Variants in ACCSL observed in about 807,000 individuals in gnomAD.
ACCSL encodes the protein probable inactive 1-aminocyclopropane-1-carboxylate synthase-like protein 2.
Under a neutral mutation model 61.7 loss-of-function variants are expected in ACCSL, and 55 were observed. The ratio of observed to expected loss-of-function variants is 0.89; its 90% CI spans 0.72 to 1.12. The LOEUF is 1.12. Among genes scored for constraint, ACCSL ranks in the 50% most tolerant of loss-of-function variants. The pLI is 0.00. For synonymous variants in ACCSL, 258 were observed against 264.3 expected, an observed-to-expected ratio of 0.98 and a Z score of 0.23; for missense variants, 632 against 698.0, an observed-to-expected ratio of 0.91 and a Z score of 1.07.
intron 8 of ACCSL, 90 bp from the exon 9 acceptor site, chr11:44,055,112 A>T: frequency 2.2e-6 from 2 of 905,612 alleles, no homozygotes; most frequent in Non-Finnish European, 3.4e-6. Context: ...GACATGACTT[A>T]AGATTACAAA....
At chr11:44,014,104 G>A in the ACCSL span, among the ~76,000 whole-genome samples, 2 of 152,350 alleles carry the variant, frequency 1.3e-5, no homozygotes, top group Admixed American at 6.5e-5. Context: ...CAGTGGGGTT[G>A]GGGGCAGGTG....
the ACCSL span, among the ~76,000 whole-genome samples, chr11:43,977,940 C>G: frequency 2.0e-5 from 3 of 151,784 alleles, no homozygotes; most frequent in Non-Finnish European, 4.4e-5. Context: ...AATGGACAAC[C>G]AACAAGTGAC....
chr11:43,961,313 A>G, the ACCSL span, among the ~76,000 whole-genome samples: 3 of 152,242 alleles, frequency 2.0e-5, no homozygotes, highest in Admixed American at 6.5e-5. Context: ...TTAAATATTA[A>G]TGGCCTCTGT....
chr11:43,936,018 G>C, the ACCSL span, among the ~76,000 whole-genome samples: 8 of 152,186 alleles, frequency 5.3e-5, no homozygotes, highest in Admixed American at 6.5e-5. Flanking sequence ...CCCCGATGCT[G>C]GGCAGGTCCC....
chr11:44,051,746 C>A, intron 5 of ACCSL, 27 bp downstream of exon 5: 1 of 1,610,776 alleles, frequency 6.2e-7, no homozygotes, highest in South Asian at 1.1e-5. Context: ...TCCTTTCACT[C>A]TCAGTGAAAT....
the ACCSL span, among the ~76,000 whole-genome samples, chr11:44,017,124 C>A: frequency 5.3e-5 from 8 of 152,254 alleles, no homozygotes; most frequent in African/African-American, 1.9e-4. Flanking sequence ...GAAGCAGCCA[C>A]CCAATACCCA....
At chr11:43,921,718 C>T in the ACCSL span, among the ~76,000 whole-genome samples, 184 of 152,320 alleles carry the variant, frequency 1.2e-3, no homozygotes, top group African/African-American at 4.2e-3. Flanking sequence ...GATCTCTTCA[C>T]TTGTCACACC....
intron 6 of ACCSL, 54 bp from the exon 7 acceptor site, chr11:44,052,937 G>A: frequency 6.4e-7 from 1 of 1,563,590 alleles, no homozygotes; most frequent in Non-Finnish European, 8.8e-7. Flanking sequence ...ATGGGAATGA[G>A]GAATCAAGAC....
chr11:44,015,354 C>T, the ACCSL span, among the ~76,000 whole-genome samples: 1 of 152,230 alleles, frequency 6.6e-6, no homozygotes, highest in East Asian at 1.9e-4. Flanking sequence ...GACTTACACT[C>T]AGATTGGCCT....
chr11:44,056,417 A>G lies in ACCSL; in HGVS notation c.1327+91A>G. 7.6e-6 allele frequency: 11 copies of G among 1,438,250 alleles called. 1 individual carries two copies. The highest frequency in any genetic ancestry group is 2.4e-4 in the Middle Eastern group (1 of 4,124). The allele number at this position is 1,438,250 out of a possible 1,614,324, so 89.1% of individuals were successfully genotyped here. On this transcript the variant is annotated intron_variant, in intron 11 of 13. Transcript: ENST00000378832. Reference sequence around the variant, plus strand: ...TGCTTGGGCCTCTGATGTGCCCTTAATATACTGAGACCCTATTTCCTGTCT... The same window carrying G: ...TGCTTGGGCCTCTGATGTGCCCTTAGTATACTGAGACCCTATTTCCTGTCT...
At chr11:44,039,498 C>T in the ACCSL span, among the ~76,000 whole-genome samples, 97 of 150,346 alleles carry the variant, frequency 6.5e-4, no homozygotes, top group Non-Finnish European at 8.3e-4. Context: ...TTTGGGGACT[C>T]GGGGGGAAAG....
chr11:44,014,978 C>T, the ACCSL span, among the ~76,000 whole-genome samples: 58 of 152,330 alleles, frequency 3.8e-4, no homozygotes, highest in African/African-American at 1.2e-3. Flanking sequence ...CCCCTCCTCC[C>T]GGGGATGTGA....
chr11:44,052,520 AC>A, intron 5 of ACCSL, 141 bp from the exon 6 acceptor site: 1 of 713,926 alleles, frequency 1.4e-6, no homozygotes, highest in South Asian at 1.7e-5. Flanking sequence ...TAGCACCTGA[AC>A]CTAAGAACAT....
At chr11:44,047,938 A>AC (rs1952609438), upstream of ACCSL, 14 of 1,432,624 alleles carry the variant, frequency 9.8e-6, no homozygotes, top group East Asian at 2.8e-4. Flanking sequence ...CCATTCCTGG[A>AC]CCTGAGGGTC....
chr11:44,002,090 G>T, the ACCSL span, among the ~76,000 whole-genome samples: 4 of 151,978 alleles, frequency 2.6e-5, no homozygotes, highest in Admixed American at 2.6e-4. Context: ...TTTCATCTGT[G>T]GACAAGGAGG....
chr11:44,058,387 T>C lies in ACCSL; in HGVS notation c.1398T>C (p.Ala466=). The C allele has an allele frequency of 6.2e-7, 1 of 1,614,136 alleles. No homozygotes were observed. Among genetic ancestry groups the C allele is most frequent in the South Asian group, 1.1e-5 (1 of 91,074 alleles). Residue 466 remains alanine, a synonymous_variant, in exon 12 of 14, where the codon GCT becomes GCC. Transcript: ENST00000378832. ...RLREAHKYIT[A]ELKALEIPFH... is the part of the protein sequence containing the mutation. ...GGGAAGCTCACAAGTACATCACTGC[T>C]GAGCTGAAGGCATTGGAGATCCCTT... is the stretch of plus-strand genomic sequence containing the variant.
At chr11:43,946,189 C>T in the ACCSL span, among the ~76,000 whole-genome samples, 2 of 152,130 alleles carry the variant, frequency 1.3e-5, no homozygotes, top group African/African-American at 4.8e-5. Flanking sequence ...CAGGTTCAAG[C>T]GATTCTCCTG....
At chr11:44,055,170 A>G (rs1379170057) in intron 8 of ACCSL, 32 bp from the exon 9 acceptor site, 2 of 1,452,460 alleles carry the variant, frequency 1.4e-6, no homozygotes, top group African/African-American at 2.8e-5. Context: ...GAGAAGCTAG[A>G]TCTTGTTCTC....
chr11:44,017,993 C>G, the ACCSL span, among the ~76,000 whole-genome samples: 8 of 152,104 alleles, frequency 5.3e-5, 1 homozygote, highest in African/African-American at 1.4e-4. Context: ...CCCAGGAAAC[C>G]AGCAGCGTCT....
Sources: allele counts gnomAD v4.1 joint callset (sites outside exome capture counted in the v4.1 genomes callset), GRCh38; gene constraint gnomAD v4.1.1; transcripts MANE v1.5; gene names NCBI Gene and HGNC (gene_info 2026-07-23, HGNC 2026-07-21).